METTL8: variants seen among roughly 807,000 people sequenced by gnomAD.
The protein encoded by METTL8 is methyltransferase 8, tRNA N3-cytidine.
Under a neutral mutation model 48.7 loss-of-function variants are expected in METTL8, and 32 were observed. That is an observed-to-expected ratio of 0.66 (90% confidence interval 0.50 to 0.88). The LOEUF (loss-of-function observed/expected upper bound fraction) is 0.88, where lower values mean the gene tolerates loss of function less well. METTL8 is among the 40% of genes least tolerant of loss of function. The pLI is 0.00. For synonymous variants in METTL8, 136 were observed against 157.1 expected (o/e 0.87, Z 1.01); for missense variants, 464 against 474.4 (o/e 0.98, Z 0.20).
intron 1 of METTL8, among the ~76,000 whole-genome samples, chr2:171,404,819 C>T (rs1370524546): frequency 6.6e-6 from 1 of 152,062 alleles, no homozygotes; most frequent in Non-Finnish European, 1.5e-5. Flanking sequence ...GATTGAGAAC[C>T]ACTCAGATAC....
chr2:171,353,872 C>G (rs901979248), intron 3 of METTL8, among the ~76,000 whole-genome samples: 6 of 152,064 alleles, frequency 3.9e-5, no homozygotes, highest in Non-Finnish European at 8.8e-5. Flanking sequence ...TGAGATGGGT[C>G]TCCTGAATAC....
At chr2:171,398,278 G>GATAC (rs1689303073) in intron 1 of METTL8, among the ~76,000 whole-genome samples, 1 of 152,022 alleles carries the variant, frequency 6.6e-6, no homozygotes, top group South Asian at 2.1e-4. Flanking sequence ...AACAAAATGT[G>GATAC]ATACATACAT....
rs1284619342 is a variant in METTL8 at position 171,323,680 on chromosome 2, C to A, written c.*492G>T. On this transcript the variant is annotated 3_prime_UTR_variant, in exon 10 of 10. Transcript: ENST00000375258. ...AAAAAAATTGGGAGAAAATAGACAACAACAAGACAAAAAATAATACACTTT... is the reference window on the plus strand; with the variant it reads ...AAAAAAATTGGGAGAAAATAGACAAAAACAAGACAAAAAATAATACACTTT... 6.6e-6 allele frequency: 1 copy of A among 152,198 alleles called. No individual in the cohort carries two copies. Among genetic ancestry groups the A allele is most frequent in the Non-Finnish European group, 1.5e-5 (1 of 68,090 alleles). The allele number at this position is 152,198 out of a possible 1,614,324, so 9.4% of individuals were successfully genotyped here.
chr2:171,426,282 A>T (rs1430974732), intron 1 of METTL8, among the ~76,000 whole-genome samples: 1 of 152,234 alleles, frequency 6.6e-6, no homozygotes, highest in Non-Finnish European at 1.5e-5. Flanking sequence ...TGAATGAATT[A>T]CAGGTATGTC....
chr2:171,397,123 C>A (rs72880595), intron 1 of METTL8, among the ~76,000 whole-genome samples: 1 of 151,428 alleles, frequency 6.6e-6, no homozygotes, highest in Non-Finnish European at 1.5e-5. Context: ...TGCCTGGCCT[C>A]AGCTTCTATC....
At chr2:171,366,496 C>T (rs1215552098) in intron 2 of METTL8, among the ~76,000 whole-genome samples, 2 of 152,086 alleles carry the variant, frequency 1.3e-5, no homozygotes, top group Non-Finnish European at 2.9e-5. Flanking sequence ...TAATCAAAAA[C>T]TATTAGACAT....
At chr2:171,418,277 T>A (rs750076288) in intron 1 of METTL8, among the ~76,000 whole-genome samples, 3 of 152,306 alleles carry the variant, frequency 2.0e-5, no homozygotes, top group Admixed American at 1.3e-4. Flanking sequence ...CTATTTATTC[T>A]GACAGTATCT....
chr2:171,375,224 G>A (rs771199264), intron 2 of METTL8: 1 of 1,300,998 alleles, frequency 7.7e-7, no homozygotes, highest in Non-Finnish European at 1.1e-6. Context: ...CGAATAGGAT[G>A]CACGTGGCCG....
intron 3 of METTL8, among the ~76,000 whole-genome samples, chr2:171,350,030 G>A (rs1683716867): frequency 6.6e-6 from 1 of 152,060 alleles, no homozygotes; most frequent in Non-Finnish European, 1.5e-5. Context: ...TGTTACACAT[G>A]TATACTTGTG....
chr2:171,431,064 T>G (rs1057167124), intron 1 of METTL8, among the ~76,000 whole-genome samples: 1 of 152,178 alleles, frequency 6.6e-6, no homozygotes, highest in African/African-American at 2.4e-5. Flanking sequence ...TTGCGTCCCC[T>G]CTTGGCTGAG....
intron 2 of METTL8, among the ~76,000 whole-genome samples, chr2:171,382,724 A>T (rs940843983): frequency 6.6e-6 from 1 of 151,486 alleles, no homozygotes; most frequent in African/African-American, 2.4e-5. Flanking sequence ...AGTAAAATTT[A>T]AAAAAAAAGA....
chr2:171,376,217 T>G (rs1456229261), intron 2 of METTL8, among the ~76,000 whole-genome samples: 2 of 152,198 alleles, frequency 1.3e-5, no homozygotes, highest in Non-Finnish European at 2.9e-5. Flanking sequence ...ACATCTTTAT[T>G]CATGCTACCA....
intron 1 of METTL8, among the ~76,000 whole-genome samples, chr2:171,425,232 T>G (rs1436758438): frequency 6.6e-6 from 1 of 152,216 alleles, no homozygotes; most frequent in African/African-American, 2.4e-5. Flanking sequence ...ATTAGCAGTG[T>G]GAGAACGGAC....
rs79444232 is a variant in METTL8 at position 171,417,762 on chromosome 2, C to A, written c.-13+16121G>T. ...TGTTACAGATAGTACAGAGAGTTTCCATATATGTGATATAGTTTCCCCCAC... is the reference window on the plus strand; with the variant it reads ...TGTTACAGATAGTACAGAGAGTTTCAATATATGTGATATAGTTTCCCCCAC... On this transcript the variant is annotated intron_variant, in intron 1 of 9. Transcript: ENST00000375258. 1.5e-3 allele frequency among the ~76,000 whole-genome samples: 221 copies of A among 152,294 alleles called. 4 individuals carry two copies. In the East Asian group the frequency reaches 0.016, roughly 11 times the overall value.
intron 1 of METTL8, among the ~76,000 whole-genome samples, chr2:171,421,020 C>T (rs1035736099): frequency 2.6e-5 from 4 of 152,122 alleles, no homozygotes; most frequent in African/African-American, 7.2e-5. Context: ...TTCTACTCAA[C>T]ACTGCAATGG....
chr2:171,340,298 T>A (rs1686595683), intron 3 of METTL8, among the ~76,000 whole-genome samples: 1 of 150,666 alleles, frequency 6.6e-6, no homozygotes, highest in Non-Finnish European at 1.5e-5. Flanking sequence ...GGTAAGGAGT[T>A]CAAGACCAGC....
At chr2:171,328,902 T>C (rs2105392667) in intron 7 of METTL8, among the ~76,000 whole-genome samples, 1 of 152,354 alleles carries the variant, frequency 6.6e-6, no homozygotes, top group South Asian at 2.1e-4. Flanking sequence ...TTGGCCAGGC[T>C]GGTCTTGAAC....
At chr2:171,340,550 C>T (rs1023961502) in intron 3 of METTL8, among the ~76,000 whole-genome samples, 2 of 148,124 alleles carry the variant, frequency 1.4e-5, no homozygotes, top group African/African-American at 5.0e-5. Context: ...CAGAGTGAGA[C>T]CCTGTCTCAA....
intron 5 of METTL8, among the ~76,000 whole-genome samples, chr2:171,335,235 G>A (rs973084944): frequency 1.3e-5 from 2 of 151,964 alleles, no homozygotes; most frequent in Admixed American, 6.6e-5. Context: ...AATGATAGTA[G>A]GAAACTACTC....
Sources: gnomAD v4.1 joint callset for allele counts (sites outside exome capture counted in the v4.1 genomes callset) on GRCh38, gnomAD v4.1.1 for gene constraint, MANE v1.5 for transcripts, NCBI Gene and HGNC (gene_info 2026-07-23, HGNC 2026-07-21) for gene names.